QPRT: variants seen among roughly 807,000 people sequenced by gnomAD.
QPRT encodes the protein quinolinate phosphoribosyltransferase, also known as nicotinate-nucleotide pyrophosphorylase [carboxylating].
Under a neutral mutation model 19.8 loss-of-function variants are expected in QPRT, and 17 were observed. The observed-to-expected ratio is 0.86, with a 90% CI of 0.59 to 1.29. QPRT has a LOEUF of 1.29. Among genes scored for constraint, QPRT ranks in the 50% most tolerant of loss-of-function variants. The probability of loss-of-function intolerance (pLI) is 0.00; values close to 1 mark genes in which losing one functional copy is unlikely to be tolerated. For synonymous variants in QPRT, 178 were observed against 191.0 expected, an observed-to-expected ratio of 0.93 and a Z score of 0.56; for missense variants, 336 against 405.1, an observed-to-expected ratio of 0.83 and a Z score of 1.46.
rs1567332299 is a variant in QPRT, at chr16:29,694,673, T to C, written c.23T>C (p.Leu8Pro). The part of the protein sequence containing the change: MDAEGLA[L>P]LLPPVTLAAL... Reference sequence around the variant, plus strand: ...TCTCTCTTCCCCCCAGGCCTGGCGCTGCTGCTGCCGCCCGTCACCCTGGCA... The same window carrying C: ...TCTCTCTTCCCCCCAGGCCTGGCGCCGCTGCTGCCGCCCGTCACCCTGGCA... Residue 8 changes from leucine (L) to proline (P), a missense_variant, in exon 2 of 4, where the codon CTG becomes CCG. By Grantham distance (98) the Leu-to-Pro change is moderately conservative (BLOSUM62 -3). Transcript: ENST00000395384. The C allele has an allele frequency of 6.5e-7, 1 of 1,543,904 alleles. No homozygotes were observed. Among genetic ancestry groups the C allele is most frequent in the Non-Finnish European group, 8.7e-7 (1 of 1,144,702 alleles).
At chr16:29,691,879 G>A (rs944543317) in intron 1 of QPRT, among the ~76,000 whole-genome samples, 2 of 152,158 alleles carry the variant, frequency 1.3e-5, no homozygotes, top group Non-Finnish European at 2.9e-5. Context: ...AGGGGAGGTG[G>A]GGTGAGTGAG....
rs1461696199 is a variant in QPRT, at chr16:29,697,153, G to C, written c.681+26G>C. ...GTAAGGTGGGCTCTGCCTCCGGGGA[G>C]GGATCTGTGGTGGGCTCTTACCTCC... is the stretch of plus-strand genomic sequence containing the variant. On this transcript the variant is annotated intron_variant, in intron 3 of 3. Coordinates refer to ENST00000395384, the MANE Select transcript of QPRT (RefSeq NM_014298.6). This position sits in a 1 kb window ranked among gnomAD's most constrained non-coding sequence, Gnocchi z 4.4. The C allele has an allele frequency of 2.5e-6, 4 of 1,597,912 alleles. No individual in the cohort carries two copies. Among genetic ancestry groups the C allele is most frequent in the Non-Finnish European group, 3.4e-6 (4 of 1,168,182 alleles).
intron 2 of QPRT, 88 bp downstream of exon 2, chr16:29,695,287 G>T (rs1052490405): frequency 4.1e-5 from 57 of 1,382,694 alleles, no homozygotes; most frequent in Non-Finnish European, 4.2e-5. Flanking sequence ...AGCCATGACC[G>T]GGTGAACAGC....
chr16:29,697,543 C>T lies in QPRT; in HGVS notation c.*132C>T. ...TAGCTTGAGCCCAACTCTGGCTCTG[C>T]CACCTGCTGCTCCTGTGACCTGTCA... On this transcript the variant is annotated 3_prime_UTR_variant, in exon 4 of 4. Transcript: ENST00000395384. The surrounding 1 kb of genome is among the most constrained non-coding windows in gnomAD (Gnocchi z 4.4). 1.1e-6 allele frequency: 1 copy of T among 891,040 alleles called. No individual in the cohort carries two copies. The allele number at this position is 891,040 out of a possible 1,614,324, so 55.2% of individuals were successfully genotyped here.
intron 1 of QPRT, among the ~76,000 whole-genome samples, chr16:29,682,229 G>T (rs997502085): frequency 6.6e-6 from 1 of 151,308 alleles, no homozygotes; most frequent in Non-Finnish European, 1.5e-5. Context: ...TTAGAGATGG[G>T]TTCTTGCTGT....
At chr16:29,679,244 C>A (rs374336441) in intron 1 of QPRT, 34 bp downstream of exon 1, 2 of 1,552,588 alleles carry the variant, frequency 1.3e-6, no homozygotes, top group African/African-American at 2.7e-5. Flanking sequence ...TGTCCCTGCA[C>A]CCATCCCCCC....
intron 2 of QPRT, chr16:29,696,628 AAAAT>A (rs1967542566): frequency 5.9e-6 from 1 of 169,766 alleles, no homozygotes; most frequent in South Asian, 1.5e-4. Context: ...TAAAAATACA[AAAAT>A]TAGCTGGGCA....
At chr16:29,690,383 G>T (rs1303709419) in intron 1 of QPRT, among the ~76,000 whole-genome samples, 1 of 152,136 alleles carries the variant, frequency 6.6e-6, no homozygotes, top group South Asian at 2.1e-4. Context: ...CCCAGTAATG[G>T]GATTGCTGGG....
intron 1 of QPRT, among the ~76,000 whole-genome samples, chr16:29,692,671 T>A (rs1596795422): frequency 6.6e-6 from 1 of 152,084 alleles, no homozygotes; most frequent in African/African-American, 2.4e-5. Flanking sequence ...CTAGATGCGG[T>A]GGCTGACGCC....
intron 1 of QPRT, among the ~76,000 whole-genome samples, chr16:29,685,482 TTA>T (rs1258312315): frequency 6.6e-6 from 1 of 151,794 alleles, no homozygotes; most frequent in Non-Finnish European, 1.5e-5. Context: ...CAAAAAAAAA[TTA>T]TTTGTGGAGG....
At chr16:29,694,110 C>T (rs1306120678) in intron 1 of QPRT, among the ~76,000 whole-genome samples, 1 of 151,706 alleles carries the variant, frequency 6.6e-6, no homozygotes, top group African/African-American at 2.4e-5. Flanking sequence ...GCCACCGCAC[C>T]CGGTCAGAAG....
chr16:29,679,188 G>GC lies in QPRT; in HGVS notation c.-9dup. On this transcript the variant is annotated 5_prime_UTR_variant, in exon 1 of 4. Transcript: ENST00000395384. ...AGCCAACACACCAGCCCAGACAGCTGCAAGTCACCATGGACGCTGAAGGTA... is the reference window on the plus strand; with the variant it reads ...AGCCAACACACCAGCCCAGACAGCTGCCAAGTCACCATGGACGCTGAAGGTA... The GC allele has an allele frequency of 1.2e-6, 2 of 1,613,504 alleles. No homozygotes were observed. Among genetic ancestry groups the GC allele is most frequent in the South Asian group, 2.2e-5 (2 of 91,020 alleles).
intron 1 of QPRT, among the ~76,000 whole-genome samples, chr16:29,693,302 T>G (rs1967408277): frequency 6.6e-6 from 1 of 152,092 alleles, no homozygotes; most frequent in Admixed American, 6.6e-5. Context: ...AGACGGAGTC[T>G]TGCTCTGTCA....
chr16:29,696,300 G>C (rs1967530687), intron 2 of QPRT: 1 of 151,342 alleles, frequency 6.6e-6, no homozygotes, highest in Non-Finnish European at 1.5e-5. Context: ...GACCAGCCTG[G>C]GCCATATAGC....
At position 29,695,184 on chromosome 16, in the gene QPRT, C is replaced by A; in HGVS notation, c.534C>A (p.Ala178=). ...TGAAGGATAACCATGTGGTGGCCGC[C>A]GGTGGCGTGGAGAAGGTGCTGGTCC... ...VMVKDNHVVA[A]GGVEKAVRAA... Residue 178 remains alanine, a synonymous_variant, in exon 2 of 4, where the codon GCC becomes GCA. Coordinates refer to ENST00000395384, the MANE Select transcript of QPRT (RefSeq NM_014298.6). 1.3e-6 allele frequency: 2 copies of A among 1,550,834 alleles called. No individual in the cohort carries two copies. Among genetic ancestry groups the A allele is most frequent in the Non-Finnish European group, 1.7e-6 (2 of 1,146,714 alleles).
intron 1 of QPRT, among the ~76,000 whole-genome samples, chr16:29,690,311 A>G (rs1168520680): frequency 6.6e-6 from 1 of 152,156 alleles, no homozygotes; most frequent in Non-Finnish European, 1.5e-5. Flanking sequence ...TGTCTTTCCT[A>G]TGGTGAATAG....
At chr16:29,690,125 G>A (rs77063311) in intron 1 of QPRT, among the ~76,000 whole-genome samples, 1 of 140,838 alleles carries the variant, frequency 7.1e-6, no homozygotes, top group South Asian at 2.1e-4. Context: ...AGAACACGCG[G>A]TATTTGGTTT....
chr16:29,685,195 G>C (rs977121956), intron 1 of QPRT, among the ~76,000 whole-genome samples: 5 of 152,086 alleles, frequency 3.3e-5, no homozygotes, highest in African/African-American at 1.2e-4. Context: ...TGTTGGCCGG[G>C]CGCAGTGGCT....
At chr16:29,679,569 C>T (rs1268439083) in intron 1 of QPRT, among the ~76,000 whole-genome samples, 2 of 148,444 alleles carry the variant, frequency 1.3e-5, no homozygotes, top group African/African-American at 5.0e-5. Context: ...GCTGGTAGCT[C>T]GGGAGAAGCA....
Sources: allele counts gnomAD v4.1 joint callset (sites outside exome capture counted in the v4.1 genomes callset), GRCh38; gene constraint gnomAD v4.1.1; non-coding constraint Gnocchi (gnomAD v3.1); transcripts MANE v1.5; gene names NCBI Gene and HGNC (gene_info 2026-07-23, HGNC 2026-07-21).